The following RERE variants were observed in gnomAD, a reference collection of about 807,000 sequenced individuals.
The protein encoded by RERE is arginine-glutamic acid dipeptide repeats protein.
Under a neutral mutation model 146.1 loss-of-function variants are expected in RERE, and 40 were observed. That is an observed-to-expected ratio of 0.27 (90% CI 0.21 to 0.36). The LOEUF (loss-of-function observed/expected upper bound fraction) is 0.36. RERE is among the 10% of genes least tolerant of loss of function. RERE has a pLI of 1.00. For missense variants in RERE, 1,933 were observed against 2,138.7 expected, an observed-to-expected ratio of 0.90 and a Z score of 1.90; for synonymous variants, 1,003 against 866.0, an observed-to-expected ratio of 1.16 and a Z score of -2.78.
chr1:8,700,855 C>G (rs913551503), intron 1 of RERE, among the ~76,000 whole-genome samples: 3 of 152,130 alleles, frequency 2.0e-5, no homozygotes, highest in Non-Finnish European at 2.9e-5. Context: ...ACCCTTTGGC[C>G]TTGGAAAAGC....
rs114648165 is a variant in RERE, at chr1:8,549,158, T to C, written c.725+7317A>G. Among the ~76,000 whole-genome samples, 1,216 of 152,258 alleles carry C rather than the reference T, an allele frequency of 8.0e-3. 13 individuals carry two copies. Among genetic ancestry groups the C allele is most frequent in the African/African-American group, 0.028 (1,162 of 41,550 alleles). On this transcript the variant is annotated intron_variant, in intron 6 of 22. Transcript: ENST00000400908. ...ATCCAGTAGTAACACACATGCCTAATACCCAGATCTTGGTTTCTAAACACT... is the reference window on the plus strand; with the variant it reads ...ATCCAGTAGTAACACACATGCCTAACACCCAGATCTTGGTTTCTAAACACT...
At chr1:8,713,881 G>A (rs1639715250) in intron 1 of RERE, among the ~76,000 whole-genome samples, 1 of 151,868 alleles carries the variant, frequency 6.6e-6, no homozygotes, top group Non-Finnish European at 1.5e-5. Context: ...GCTTACACAG[G>A]CAATCAAAAT....
chr1:8,430,877 C>G (rs1023596750), intron 11 of RERE, among the ~76,000 whole-genome samples: 6 of 152,194 alleles, frequency 3.9e-5, no homozygotes, highest in Non-Finnish European at 5.9e-5. Context: ...GGCCAGGATT[C>G]AAGTCCAGTT....
intron 1 of RERE, among the ~76,000 whole-genome samples, chr1:8,721,980 C>T (rs1398143502): frequency 6.6e-6 from 1 of 152,186 alleles, no homozygotes; most frequent in African/African-American, 2.4e-5. Flanking sequence ...AAACTGAAGG[C>T]TTTGGCAACC....
chr1:8,707,915 G>C (rs1639588816), intron 1 of RERE, among the ~76,000 whole-genome samples: 1 of 152,200 alleles, frequency 6.6e-6, no homozygotes, highest in Non-Finnish European at 1.5e-5. Context: ...GATACTTTGA[G>C]AGGCCACATT....
At chr1:8,402,367 A>G (rs563677855) in intron 12 of RERE, among the ~76,000 whole-genome samples, 6 of 152,322 alleles carry the variant, frequency 3.9e-5, no homozygotes, top group African/African-American at 1.4e-4. Context: ...TTTATGTCAC[A>G]CACAGCCATT....
chr1:8,528,957 T>C (rs1356556264), intron 7 of RERE, among the ~76,000 whole-genome samples: 1 of 152,238 alleles, frequency 6.6e-6, no homozygotes, highest in African/African-American at 2.4e-5. Flanking sequence ...GAGTGGAATT[T>C]TCCACTTGTG....
At chr1:8,424,237 G>A (rs1209323587) in intron 11 of RERE, 1 of 152,208 alleles carries the variant, frequency 6.6e-6, no homozygotes, top group Non-Finnish European at 1.5e-5. Flanking sequence ...CCAGGCATTA[G>A]CCTGCACTTC....
Position 8,360,129 on chromosome 1 carries a change from G to T in RERE, c.3378C>A (p.His1126Gln). The change falls in exon 18 of 23, where the codon CAC becomes CAA. Residue 1126 changes from histidine to glutamine, a missense_variant. Coordinates refer to ENST00000400908, the MANE Select transcript of RERE (RefSeq NM_001042681.2). ...PEPTVVDTPS[H>Q]ASQSARFYKH... ...AAGCGTACCTAGCTGACTGGCTGGC[G>T]TGACTGGGGGTGTCCACCACAGTGG... 1.3e-6 allele frequency: 2 copies of T among 1,581,706 alleles called. No homozygotes were observed. The highest frequency in any genetic ancestry group is 1.7e-6 in the Non-Finnish European group (2 of 1,162,188).
At chr1:8,674,780 T>G in intron 1 of RERE, among the ~76,000 whole-genome samples, 1 of 152,234 alleles carries the variant, frequency 6.6e-6, no homozygotes, top group East Asian at 1.9e-4. Context: ...AAAGTAATCA[T>G]TTCATACTCC....
intron 1 of RERE, among the ~76,000 whole-genome samples, chr1:8,720,684 T>A (rs1639847826): frequency 1.3e-5 from 2 of 152,130 alleles, no homozygotes; most frequent in East Asian, 3.9e-4. Flanking sequence ...TTCTTATAAT[T>A]GTATAACCCC....
At chr1:8,366,994 C>G (rs904110732) in intron 12 of RERE, among the ~76,000 whole-genome samples, 1 of 150,274 alleles carries the variant, frequency 6.7e-6, no homozygotes, top group Admixed American at 6.6e-5. Context: ...TGGTTTCCCT[C>G]TAATTAAATC....
intron 7 of RERE, among the ~76,000 whole-genome samples, chr1:8,538,545 G>T (rs1553181699): frequency 6.6e-6 from 1 of 152,216 alleles, no homozygotes; most frequent in Non-Finnish European, 1.5e-5. Flanking sequence ...ATAAGGAAAT[G>T]TTCGGGATAA....
chr1:8,814,613 C>T (rs1569852313), intron 1 of RERE, among the ~76,000 whole-genome samples: 1 of 152,180 alleles, frequency 6.6e-6, no homozygotes, highest in African/African-American at 2.4e-5. Context: ...CTCCTCTACC[C>T]CTCTACCTGG....
chr1:8,723,514 G>A (rs1639902372), intron 1 of RERE, among the ~76,000 whole-genome samples: 1 of 152,020 alleles, frequency 6.6e-6, no homozygotes, highest in Admixed American at 6.5e-5. Context: ...TCTTTAAAGG[G>A]TTCACTGTTG....
At position 8,414,264 on chromosome 1, in the gene RERE, C is replaced by T. The variant is rs182205020; in HGVS notation, c.1284+8463G>A. 5.6e-3 allele frequency among the ~76,000 whole-genome samples: 856 copies of T among 151,750 alleles called. 4 individuals are homozygous for T. The highest frequency in any genetic ancestry group is 0.01 in the Middle Eastern group (3 of 294). Reference sequence around the variant, plus strand: ...GGGATAGTTTAGATATTTCAATAGTCGGCCGGGCGTGGTGGCTCACACCTG... The same window carrying T: ...GGGATAGTTTAGATATTTCAATAGTTGGCCGGGCGTGGTGGCTCACACCTG... On this transcript the variant is annotated intron_variant, in intron 12 of 22. Transcript: ENST00000400908.
chr1:8,525,950 A>G (rs1645564993), intron 7 of RERE: 1 of 1,344,526 alleles, frequency 7.4e-7, no homozygotes, highest in African/African-American at 1.5e-5. Flanking sequence ...TTCACGCAGA[A>G]CGCAGAAACT....
intron 12 of RERE, among the ~76,000 whole-genome samples, chr1:8,371,892 GC>G (rs1642050878): frequency 6.6e-6 from 1 of 152,228 alleles, no homozygotes; most frequent in African/African-American, 2.4e-5. Context: ...CCAAGTGGGT[GC>G]CCCTGTGTAT....
At chr1:8,386,147 T>C (rs1642675327) in intron 12 of RERE, among the ~76,000 whole-genome samples, 1 of 148,776 alleles carries the variant, frequency 6.7e-6, no homozygotes. Context: ...TGAATACTTA[T>C]ATCCCAACTG....
Sources: gnomAD v4.1 joint callset for allele counts (sites outside exome capture counted in the v4.1 genomes callset) on GRCh38, gnomAD v4.1.1 for gene constraint, MANE v1.5 for transcripts, NCBI Gene and HGNC (gene_info 2026-07-23, HGNC 2026-07-21) for gene names.